The following NRCAM variants were observed in gnomAD, a reference collection of about 807,000 sequenced individuals.
NRCAM encodes the protein neuronal cell adhesion molecule.
Under a neutral mutation model 156.5 loss-of-function variants are expected in NRCAM, and 83 were observed. The ratio of observed to expected loss-of-function variants is 0.53; its 90% CI spans 0.44 to 0.64. The LOEUF (loss-of-function observed/expected upper bound fraction) is 0.64. Among genes scored for constraint, NRCAM ranks in the 30% least tolerant of loss-of-function variants. NRCAM has a pLI of 0.00. For synonymous variants in NRCAM, 538 were observed against 563.9 expected, an observed-to-expected ratio of 0.95 and a Z score of 0.65; for missense variants, 1,417 against 1,597.3, an observed-to-expected ratio of 0.89 and a Z score of 1.92.
intron 2 of NRCAM, among the ~76,000 whole-genome samples, chr7:108,357,534 C>T (rs2099513998): frequency 6.6e-6 from 1 of 152,014 alleles, no homozygotes; most frequent in Non-Finnish European, 1.5e-5. Flanking sequence ...TTTCACCACA[C>T]TGGCCAGGCT....
chr7:108,296,663 G>A (rs1311731787), intron 3 of NRCAM, among the ~76,000 whole-genome samples: 1 of 152,094 alleles, frequency 6.6e-6, no homozygotes, highest in Non-Finnish European at 1.5e-5. Flanking sequence ...CTTGAGAATA[G>A]ATATTTTTTA....
At chr7:108,358,538 A>C (rs939099782) in intron 2 of NRCAM, among the ~76,000 whole-genome samples, 1 of 152,066 alleles carries the variant, frequency 6.6e-6, no homozygotes, top group Non-Finnish European at 1.5e-5. Context: ...AAGCTTCGCC[A>C]ATGTCAGGTG....
chr7:108,367,118 T>C (rs2099596455), intron 2 of NRCAM, among the ~76,000 whole-genome samples: 1 of 152,202 alleles, frequency 6.6e-6, no homozygotes, highest in Non-Finnish European at 1.5e-5. Context: ...TGAAAGTGAC[T>C]TTCTCAACTA....
At chr7:108,306,216 C>T (rs1407668579) in intron 3 of NRCAM, among the ~76,000 whole-genome samples, 1 of 152,124 alleles carries the variant, frequency 6.6e-6, no homozygotes, top group African/African-American at 2.4e-5. Flanking sequence ...CCATCCTTCA[C>T]CATTAATTTC....
At chr7:108,416,880 T>C (rs999138879) in intron 1 of NRCAM, among the ~76,000 whole-genome samples, 8 of 152,208 alleles carry the variant, frequency 5.3e-5, no homozygotes, top group African/African-American at 1.2e-4. Flanking sequence ...TTGCAAACCA[T>C]TGGAAGAGGT....
rs553502173 is a variant in NRCAM, at chr7:108,385,798, T to C, written c.-174+13638A>G. Among the ~76,000 whole-genome samples, 9 of 151,970 alleles carry C rather than the reference T, an allele frequency of 5.9e-5. No homozygotes were observed. In the South Asian group the frequency reaches 1.9e-3, roughly 32 times the overall value. On this transcript the variant is annotated intron_variant, in intron 2 of 32. Coordinates refer to ENST00000379028, the MANE Select transcript of NRCAM (RefSeq NM_001037132.4). ...TGAATGGAATGTATTGGAGAGAATA[T>C]GGAAGGCATGAGAATAAGTAAGTAT...
intron 11 of NRCAM, among the ~76,000 whole-genome samples, chr7:108,213,688 T>C (rs71568512): frequency 6.6e-6 from 1 of 152,064 alleles, no homozygotes; most frequent in African/African-American, 2.4e-5. Flanking sequence ...CATTATATAA[T>C]GGTAAAAGGC....
At chr7:108,194,465 A>C (rs1156963832) in intron 15 of NRCAM, 37 bp from the exon 16 acceptor site, 1 of 1,442,918 alleles carries the variant, frequency 6.9e-7, no homozygotes, top group Non-Finnish European at 9.5e-7. Flanking sequence ...GAATAAAAAC[A>C]CATTATATTT....
intron 1 of NRCAM, among the ~76,000 whole-genome samples, chr7:108,419,159 G>C (rs150432444): frequency 9.3e-4 from 142 of 152,196 alleles, no homozygotes; most frequent in African/African-American, 3.1e-3. Flanking sequence ...CCTCATCCCC[G>C]TAACTGTTCT....
chr7:108,282,912 C>T (rs1289921777), intron 3 of NRCAM, among the ~76,000 whole-genome samples: 1 of 152,194 alleles, frequency 6.6e-6, no homozygotes, highest in East Asian at 1.9e-4. Flanking sequence ...GTGCCCAGGC[C>T]ACAGGCCCTA....
rs404287 is a variant in NRCAM at position 108,194,290 on chromosome 7, C to T, written c.1602G>A (p.Ala534=). ...TGATTTCTAAGTGAACTTCATTCTT[C>T]GCCATCCCTAATTTATTCCTTGCAA... is the stretch of plus-strand genomic sequence containing the variant. The part of the protein sequence containing the change: ...TCVARNKLGM[A]KNEVHLEIKD... The change falls in exon 16 of 33, where the codon GCG becomes GCA. Residue 534 remains alanine, a synonymous_variant. Transcript: ENST00000379028. 0.77 allele frequency: 1,233,912 copies of T among 1,610,516 alleles called. 476,769 individuals are homozygous for T. The highest frequency in any genetic ancestry group is 0.87 in the East Asian group (39,040 of 44,816).
At position 108,412,287 on chromosome 7, in the gene NRCAM, C is replaced by G. The variant is rs544593719; in HGVS notation, c.-331-12694G>C. 6.6e-5 allele frequency among the ~76,000 whole-genome samples: 10 copies of G among 151,098 alleles called. No individual in the cohort carries two copies. In the East Asian group the frequency reaches 1.8e-3, roughly 27 times the overall value. ...AAAAAAAACCCAAAAAACGATGAAGCTAAATTATCACAGCAAATGTCTGAA... is the reference window on the plus strand; with the variant it reads ...AAAAAAAACCCAAAAAACGATGAAGGTAAATTATCACAGCAAATGTCTGAA... On this transcript the variant is annotated intron_variant, in intron 1 of 32. Transcript: ENST00000379028.
At chr7:108,383,555 T>A (rs184364549) in intron 2 of NRCAM, among the ~76,000 whole-genome samples, 124 of 152,306 alleles carry the variant, frequency 8.1e-4, no homozygotes, top group Non-Finnish European at 1.5e-3. Context: ...TCAACGGAGT[T>A]CCATCTTGAA....
At chr7:108,241,659 T>C (rs181008192) in intron 3 of NRCAM, among the ~76,000 whole-genome samples, 8 of 151,792 alleles carry the variant, frequency 5.3e-5, no homozygotes, top group Admixed American at 5.3e-4. Context: ...ACATGGTAGG[T>C]AGTAAATAAA....
At position 108,161,817 on chromosome 7, in the gene NRCAM, G is replaced by A. The variant is rs528713767; in HGVS notation, c.3467-1325C>T. Among the ~76,000 whole-genome samples, 7 of 152,338 alleles carry A rather than the reference G, an allele frequency of 4.6e-5. No individual in the cohort carries two copies. The East Asian group carries it at 1.3e-3, about 29-fold the overall frequency. On this transcript the variant is annotated intron_variant, in intron 30 of 32. Transcript: ENST00000379028. ...TGGACATATGTAGAAGAAATAAAATGAGAAGCAAAAATACCTTATTTGAAA... is the reference window on the plus strand; with the variant it reads ...TGGACATATGTAGAAGAAATAAAATAAGAAGCAAAAATACCTTATTTGAAA...
intron 1 of NRCAM, among the ~76,000 whole-genome samples, chr7:108,401,705 G>C (rs1027118959): frequency 1.3e-5 from 2 of 152,214 alleles, no homozygotes; most frequent in Non-Finnish European, 2.9e-5. Context: ...AGCCAAGAGA[G>C]ATGAGTCTTG....
At chr7:108,353,420 G>C (rs2154297808) in intron 2 of NRCAM, among the ~76,000 whole-genome samples, 1 of 151,952 alleles carries the variant, frequency 6.6e-6, no homozygotes, top group Middle Eastern at 3.4e-3. Flanking sequence ...TGGTGTGATT[G>C]TGATCCTCCC....
chr7:108,225,744 G>C, intron 9 of NRCAM, 43 bp from the exon 10 acceptor site: 1 of 1,238,466 alleles, frequency 8.1e-7, no homozygotes, highest in Non-Finnish European at 1.2e-6. Context: ...AAAAGTGGGG[G>C]AGAAGGGTCA....
intron 11 of NRCAM, among the ~76,000 whole-genome samples, chr7:108,211,735 C>A (rs771380263): frequency 6.6e-5 from 10 of 152,078 alleles, no homozygotes; most frequent in Non-Finnish European, 1.5e-4. Flanking sequence ...CCCCCTCCCC[C>A]ACAGCAGCCA....
Sources: allele counts gnomAD v4.1 joint callset (sites outside exome capture counted in the v4.1 genomes callset), GRCh38; gene constraint gnomAD v4.1.1; transcripts MANE v1.5; gene names NCBI Gene and HGNC (gene_info 2026-07-23, HGNC 2026-07-21).